Variants in TMEM132D observed in about 807,000 individuals in gnomAD.
TMEM132D encodes transmembrane protein 132D, also known as mature OL transmembrane protein.
Under a neutral mutation model 62.3 loss-of-function variants are expected in TMEM132D, and 21 were observed. The ratio of observed to expected loss-of-function variants is 0.34; its 90% CI spans 0.24 to 0.49. The LOEUF (loss-of-function observed/expected upper bound fraction) is 0.49. Among genes scored for constraint, TMEM132D ranks in the 20% least tolerant of loss-of-function variants. The probability of loss-of-function intolerance (pLI) is 0.99; values close to 1 mark genes in which losing one functional copy is unlikely to be tolerated. For missense variants in TMEM132D, 1,346 were observed against 1,402.8 expected (o/e 0.96, Z 0.65); for synonymous variants, 621 against 575.6 (o/e 1.08, Z -1.13).
chr12:129,190,114 GGTCTTGGGGGCCTGC>G (rs1565992296), intron 5 of TMEM132D, among the ~76,000 whole-genome samples: 67 of 20,266 alleles, frequency 3.3e-3, no homozygotes, highest in East Asian at 0.02. Context: ...TGGAGGGAGG[GGTCTTGGGGGCCTGC>G]AGATGGAGGG....
intron 5 of TMEM132D, among the ~76,000 whole-genome samples, chr12:129,102,528 A>AAC (rs372316402): frequency 2.0e-5 from 3 of 149,272 alleles, no homozygotes; most frequent in Admixed American, 6.7e-5. Context: ...GCACACACAC[A>AAC]ACACACACAC....
intron 3 of TMEM132D, among the ~76,000 whole-genome samples, chr12:129,340,650 T>A (rs1030336622): frequency 2.0e-5 from 3 of 152,230 alleles, no homozygotes; most frequent in Admixed American, 2.0e-4. Context: ...TCATTTTTTA[T>A]GTCTGCATAG....
chr12:129,516,023 C>T (rs1049284542), intron 3 of TMEM132D, among the ~76,000 whole-genome samples: 1 of 152,184 alleles, frequency 6.6e-6, no homozygotes, highest in African/African-American at 2.4e-5. Flanking sequence ...GACAATCAGA[C>T]AAGAACCACG....
At chr12:129,514,779 C>T (rs1875624302) in intron 3 of TMEM132D, among the ~76,000 whole-genome samples, 1 of 152,174 alleles carries the variant, frequency 6.6e-6, no homozygotes, top group South Asian at 2.1e-4. Context: ...GATCCATTCT[C>T]TTGATAGCTA....
At chr12:129,615,846 A>AAAATG (rs1878902410) in intron 2 of TMEM132D, among the ~76,000 whole-genome samples, 1 of 151,712 alleles carries the variant, frequency 6.6e-6, no homozygotes, top group Non-Finnish European at 1.5e-5. Context: ...AAAATAAAAT[A>AAAATG]AGATAGCTGT....
chr12:129,868,057 G>GTTTCTATGGTACACACATGAGGCAGCA (rs1187412355), intron 1 of TMEM132D, among the ~76,000 whole-genome samples: 4 of 151,778 alleles, frequency 2.6e-5, no homozygotes, highest in East Asian at 3.9e-4. Flanking sequence ...ATGAGACAGC[G>GTTTCTATGGTACACACATGAGGCAGCA]TTTCTATGGT....
intron 3 of TMEM132D, among the ~76,000 whole-genome samples, chr12:129,374,672 C>A (rs993263812): frequency 6.6e-6 from 1 of 152,162 alleles, no homozygotes; most frequent in South Asian, 2.1e-4. Context: ...GAGTACTTCC[C>A]TTGACAGCCA....
chr12:129,899,230 A>AGGATGGAT (rs1354364571), intron 1 of TMEM132D, among the ~76,000 whole-genome samples: 1 of 138,174 alleles, frequency 7.2e-6, no homozygotes, highest in Non-Finnish European at 1.5e-5. Flanking sequence ...GACAGATGGA[A>AGGATGGAT]GGATGGATGG....
At chr12:129,303,024 G>T (rs1004349362) in intron 4 of TMEM132D, among the ~76,000 whole-genome samples, 1 of 152,092 alleles carries the variant, frequency 6.6e-6, no homozygotes, top group African/African-American at 2.4e-5. Context: ...TACAAGCACG[G>T]GTCCTTAATT....
Position 129,903,382 on chromosome 12 carries a change from C to T in TMEM132D, c.-43G>A. The T allele has an allele frequency of 1.3e-6, 2 of 1,544,424 alleles. No individual in the cohort carries two copies. The highest frequency in any genetic ancestry group is 1.8e-6 in the Non-Finnish European group (2 of 1,140,904). On this transcript the variant is annotated 5_prime_UTR_variant, in exon 1 of 9. Coordinates refer to ENST00000422113, the MANE Select transcript of TMEM132D (RefSeq NM_133448.3). The surrounding 1 kb of genome is among the most constrained non-coding windows in gnomAD (Gnocchi z 6.2). ...CAGATCCTCCGCTCCCCGGCGCCGT[C>T]CAGGCGAACAAGAGACCGTCTCAGT... is the stretch of plus-strand genomic sequence containing the variant.
intron 1 of TMEM132D, among the ~76,000 whole-genome samples, chr12:129,883,998 C>T (rs1874681403): frequency 6.6e-6 from 1 of 152,158 alleles, no homozygotes; most frequent in South Asian, 2.1e-4. Context: ...GTGGCTCAAT[C>T]GTAGCTCACT....
In TMEM132D at chr12:129,787,085, C is replaced by T. The variant is rs986578166; in HGVS notation, c.80-86387G>A. Among the ~76,000 whole-genome samples the T allele has an allele frequency of 5.9e-5, 9 of 152,196 alleles. No homozygotes were observed. In the South Asian group the frequency reaches 6.2e-4, roughly 11 times the overall value. ...CACTGGGAGCTGTGAAAAGCTTTGC[C>T]CCAAATCAGGTGAAATTCAACCAAG... On this transcript the variant is annotated intron_variant, in intron 1 of 8. Coordinates refer to ENST00000422113, the MANE Select transcript of TMEM132D (RefSeq NM_133448.3).
chr12:129,843,708 C>A (rs1873270821), intron 1 of TMEM132D, among the ~76,000 whole-genome samples: 1 of 152,064 alleles, frequency 6.6e-6, no homozygotes, highest in South Asian at 2.1e-4. Flanking sequence ...ACCAGCTACT[C>A]AAAAAACTAC....
chr12:129,198,926 A>T (rs1168518421), intron 5 of TMEM132D, among the ~76,000 whole-genome samples: 1 of 152,050 alleles, frequency 6.6e-6, no homozygotes, highest in East Asian at 1.9e-4. Context: ...TTAATTTATA[A>T]TAAGATAAAA....
intron 2 of TMEM132D, among the ~76,000 whole-genome samples, chr12:129,626,067 A>T (rs1593094994): frequency 6.6e-6 from 1 of 152,000 alleles, no homozygotes; most frequent in East Asian, 1.9e-4. Flanking sequence ...TTCCTAATAG[A>T]ATTTTAATTG....
At chr12:129,723,467 G>T (rs1868917266) in intron 1 of TMEM132D, among the ~76,000 whole-genome samples, 1 of 152,164 alleles carries the variant, frequency 6.6e-6, no homozygotes, top group Non-Finnish European at 1.5e-5. Context: ...GTTGGGTGTG[G>T]CCAATGAGAG....
chr12:129,253,387 C>T (rs1300536574), intron 4 of TMEM132D, among the ~76,000 whole-genome samples: 2 of 152,052 alleles, frequency 1.3e-5, no homozygotes, highest in Admixed American at 6.6e-5. Context: ...CCACCCAAAG[C>T]CTGAGCACTA....
intron 1 of TMEM132D, among the ~76,000 whole-genome samples, chr12:129,811,690 G>C (rs1034136257): frequency 3.9e-5 from 6 of 151,974 alleles, no homozygotes; most frequent in African/African-American, 1.4e-4. Flanking sequence ...TTTATCCTGT[G>C]GACCCGATGC....
chr12:129,236,514 C>CA (rs60745384), intron 4 of TMEM132D, among the ~76,000 whole-genome samples: 1,744 of 66,446 alleles, frequency 0.026, 39 homozygotes, highest in Middle Eastern at 0.073. Flanking sequence ...GACTCCATCT[C>CA]AAAAAAAAAA....
Sources: allele counts gnomAD v4.1 joint callset (sites outside exome capture counted in the v4.1 genomes callset), GRCh38; gene constraint gnomAD v4.1.1; non-coding constraint Gnocchi (gnomAD v3.1); transcripts MANE v1.5; gene names NCBI Gene and HGNC (gene_info 2026-07-23, HGNC 2026-07-21).